CCDC178: variants seen among roughly 807,000 people sequenced by gnomAD.
CCDC178 encodes the protein coiled-coil domain containing 178, also known as coiled-coil domain-containing protein 178.
Under a neutral mutation model 117.4 loss-of-function variants are expected in CCDC178, and 126 were observed. The ratio of observed to expected loss-of-function variants is 1.07; its 90% CI spans 0.93 to 1.24. The LOEUF (loss-of-function observed/expected upper bound fraction) is 1.24, where lower values mean the gene tolerates loss of function less well. CCDC178 is among the 50% of genes most tolerant of loss of function. The pLI is 0.00. For missense variants in CCDC178, 1,030 were observed against 986.9 expected, an observed-to-expected ratio of 1.04 and a Z score of -0.59; for synonymous variants, 283 against 313.4, an observed-to-expected ratio of 0.90 and a Z score of 1.02.
rs545750361 is a variant in CCDC178, at chr18:32,937,881, G to C, written c.*130C>G. 272 of 674,212 alleles carry C rather than the reference G, an allele frequency of 4.0e-4. 1 individual carries two copies. The Middle Eastern group carries it at 7.4e-3, about 18-fold the overall frequency. 41.8% of individuals were successfully genotyped at this position (674,212 alleles called of 1,614,324 possible). A position where few individuals can be genotyped will look rare whatever the true frequency, so the allele number is the denominator to read the frequency against. ...GTAAAAGAGTGGCAAAGCATGCTGGGAGGTGAGTGAGTTTTTCGTTCATGG... is the reference window on the plus strand; with the variant it reads ...GTAAAAGAGTGGCAAAGCATGCTGGCAGGTGAGTGAGTTTTTCGTTCATGG... On this transcript the variant is annotated 3_prime_UTR_variant, in exon 23 of 23. Transcript: ENST00000383096.
chr18:32,991,311 T>C (rs2055386987), intron 21 of CCDC178, among the ~76,000 whole-genome samples: 1 of 152,156 alleles, frequency 6.6e-6, no homozygotes, highest in East Asian at 1.9e-4. Flanking sequence ...ACATAAATTT[T>C]TAGGGTGTCA....
At chr18:33,138,028 A>G (rs1195973245) in intron 20 of CCDC178, among the ~76,000 whole-genome samples, 1 of 152,234 alleles carries the variant, frequency 6.6e-6, no homozygotes, top group Non-Finnish European at 1.5e-5. Flanking sequence ...TTGCACATCT[A>G]TAATATGAAA....
chr18:33,286,546 A>T (rs1334984199), intron 12 of CCDC178, among the ~76,000 whole-genome samples: 1 of 152,204 alleles, frequency 6.6e-6, no homozygotes, highest in Non-Finnish European at 1.5e-5. Context: ...AAATGTATGA[A>T]TCAAAAGGCA....
chr18:33,385,923 T>C (rs1164772947), intron 5 of CCDC178, among the ~76,000 whole-genome samples: 1 of 152,062 alleles, frequency 6.6e-6, no homozygotes, highest in Non-Finnish European at 1.5e-5. Context: ...CCAGGAGCTA[T>C]TTTTTTAAAA....
At chr18:33,159,314 CATTTTG>C in intron 20 of CCDC178, among the ~76,000 whole-genome samples, 1 of 152,146 alleles carries the variant, frequency 6.6e-6, no homozygotes, top group Admixed American at 6.5e-5. Context: ...GGCCTAGTGC[CATTTTG>C]TTGAACATTA....
At chr18:33,402,439 T>C (rs141626037) in intron 3 of CCDC178, among the ~76,000 whole-genome samples, 8 of 152,254 alleles carry the variant, frequency 5.3e-5, no homozygotes, top group African/African-American at 1.9e-4. Flanking sequence ...ATTTACGATA[T>C]CGGAGGAGGA....
At chr18:33,393,157 G>T (rs1018612705) in intron 4 of CCDC178, among the ~76,000 whole-genome samples, 1 of 152,016 alleles carries the variant, frequency 6.6e-6, no homozygotes, top group Non-Finnish European at 1.5e-5. Flanking sequence ...TTTCTTGTGT[G>T]TACTTCCAGA....
At chr18:33,091,381 T>C (rs2057463187) in intron 21 of CCDC178, among the ~76,000 whole-genome samples, 1 of 140,960 alleles carries the variant, frequency 7.1e-6, no homozygotes, top group African/African-American at 2.8e-5. Flanking sequence ...CTGTTGCCCA[T>C]GCTGGAGTGC....
intron 11 of CCDC178, among the ~76,000 whole-genome samples, chr18:33,319,158 A>G (rs1696454911): frequency 6.6e-6 from 1 of 151,826 alleles, no homozygotes; most frequent in Non-Finnish European, 1.5e-5. Context: ...GGTCATTTAC[A>G]TTAGGTATAT....
At chr18:33,242,327 T>G (rs1158949595) in intron 15 of CCDC178, among the ~76,000 whole-genome samples, 1 of 151,636 alleles carries the variant, frequency 6.6e-6, no homozygotes, top group East Asian at 1.9e-4. Flanking sequence ...GATAAATGCT[T>G]CAGAACATTG....
chr18:33,410,566 A>C (rs1349936052), intron 3 of CCDC178, among the ~76,000 whole-genome samples: 2 of 152,212 alleles, frequency 1.3e-5, no homozygotes, highest in Non-Finnish European at 2.9e-5. Context: ...AATAATTTTA[A>C]ATAAAATCCA....
chr18:33,417,545 C>CAT (rs2063962307), intron 2 of CCDC178, among the ~76,000 whole-genome samples: 1 of 151,794 alleles, frequency 6.6e-6, no homozygotes, highest in African/African-American at 2.4e-5. Context: ...TACACACACA[C>CAT]ACACACACAC....
intron 21 of CCDC178, among the ~76,000 whole-genome samples, chr18:33,026,407 A>G (rs1042634312): frequency 6.6e-6 from 1 of 152,110 alleles, no homozygotes; most frequent in Non-Finnish European, 1.5e-5. Flanking sequence ...TTACATTGGC[A>G]TGTGGAACTA....
chr18:33,434,963 G>C (rs1407619153), intron 2 of CCDC178, among the ~76,000 whole-genome samples: 1 of 151,786 alleles, frequency 6.6e-6, no homozygotes, highest in East Asian at 1.9e-4. Context: ...TGACATTTTC[G>C]GGCTACATCT....
chr18:33,148,417 A>AGAGAGG (rs1284711609), intron 20 of CCDC178, among the ~76,000 whole-genome samples: 13 of 150,002 alleles, frequency 8.7e-5, no homozygotes, highest in South Asian at 2.1e-4. Context: ...GACCGTGGAG[A>AGAGAGG]GAGAGGGAGA....
At chr18:33,383,833 C>T (rs761923834) in intron 5 of CCDC178, among the ~76,000 whole-genome samples, 13 of 152,026 alleles carry the variant, frequency 8.6e-5, no homozygotes, top group Non-Finnish European at 1.6e-4. Flanking sequence ...ACTTCTGCAG[C>T]AAGGGCACAG....
intron 20 of CCDC178, among the ~76,000 whole-genome samples, chr18:33,172,395 G>A (rs1044098679): frequency 6.6e-5 from 10 of 151,692 alleles, no homozygotes; most frequent in East Asian, 1.9e-4. Context: ...ATAAATATAC[G>A]TAAAATGAAT....
chr18:33,333,569 G>A (rs906956803), intron 9 of CCDC178, among the ~76,000 whole-genome samples, 175 bp from the exon 10 acceptor site: 2 of 135,580 alleles, frequency 1.5e-5, no homozygotes, highest in African/African-American at 5.7e-5. Context: ...AGGTTGGAGT[G>A]CAATGGCACG....
chr18:33,235,117 A>G (rs1300605904), intron 15 of CCDC178, among the ~76,000 whole-genome samples: 1 of 152,070 alleles, frequency 6.6e-6, no homozygotes, highest in Non-Finnish European at 1.5e-5. Context: ...GTGAACAAAT[A>G]GTAGTTGAAG....
Sources: allele counts gnomAD v4.1 joint callset (sites outside exome capture counted in the v4.1 genomes callset), GRCh38; gene constraint gnomAD v4.1.1; transcripts MANE v1.5; gene names NCBI Gene and HGNC (gene_info 2026-07-23, HGNC 2026-07-21).